TAFA5: variants seen among roughly 807,000 people sequenced by gnomAD.
TAFA5 encodes the protein TAFA chemokine like family member 5, also known as chemokine-like protein TAFA-5.
TAFA5 carries 6 observed loss-of-function variants against 15.3 expected under a neutral mutation model. The observed-to-expected ratio is 0.39, with a 90% confidence interval of 0.21 to 0.77. The LOEUF is 0.77. Among genes scored for constraint, TAFA5 ranks in the 30% least tolerant of loss-of-function variants. The pLI is 0.41. For missense variants in TAFA5, 161 were observed against 193.1 expected (o/e 0.83, Z 0.98); for synonymous variants, 103 against 80.7 (o/e 1.28, Z -1.48).
chr22:48,652,317 C>G (rs1254898713), intron 2 of TAFA5, among the ~76,000 whole-genome samples: 1 of 152,240 alleles, frequency 6.6e-6, no homozygotes, highest in African/African-American at 2.4e-5. Flanking sequence ...TCAGCCTGGC[C>G]AGGGGTTGGC....
At chr22:48,699,404 C>G (rs1928833059) in intron 2 of TAFA5, among the ~76,000 whole-genome samples, 1 of 151,916 alleles carries the variant, frequency 6.6e-6, no homozygotes, top group African/African-American at 2.4e-5. Flanking sequence ...ACAGCGAAAC[C>G]AATAACATTT....
At chr22:48,643,248 G>C (rs1260675997) in intron 1 of TAFA5, among the ~76,000 whole-genome samples, 1 of 152,054 alleles carries the variant, frequency 6.6e-6, no homozygotes, top group African/African-American at 2.4e-5. Flanking sequence ...TGCGTGGCTC[G>C]CTGTGGCGAT....
Position 48,525,220 on chromosome 22 carries a change from G to A in TAFA5, c.112+35516G>A, listed in dbSNP as rs527916083. Among the ~76,000 whole-genome samples, 65 of 152,300 alleles carry A rather than the reference G, an allele frequency of 4.3e-4. 1 individual carries two copies. In the South Asian group the frequency reaches 0.012, roughly 29 times the overall value. The stretch of plus-strand genomic sequence containing the variant: ...CGGTGACCCATTCACAGGCTCCAGA[G>A]ATTAGGAGATGAGCTTCTTTGGGGA... On this transcript the variant is annotated intron_variant, in intron 1 of 3. Coordinates refer to ENST00000402357, the MANE Select transcript of TAFA5 (RefSeq NM_001082967.3).
intron 1 of TAFA5, among the ~76,000 whole-genome samples, chr22:48,615,600 G>T (rs764111019): frequency 6.6e-6 from 1 of 152,182 alleles, no homozygotes; most frequent in East Asian, 1.9e-4. Flanking sequence ...ATTCTCCTGC[G>T]GTTTATGAGG....
At chr22:48,520,893 G>A (rs955688771) in intron 1 of TAFA5, among the ~76,000 whole-genome samples, 3 of 152,198 alleles carry the variant, frequency 2.0e-5, no homozygotes, top group South Asian at 2.1e-4. Context: ...AGGGCCAGGG[G>A]GGGTCGCAGG....
intron 2 of TAFA5, among the ~76,000 whole-genome samples, chr22:48,687,041 G>A: frequency 6.6e-6 from 1 of 151,222 alleles, no homozygotes; most frequent in East Asian, 2.0e-4. Context: ...GATTGATGGA[G>A]GATGGATAGA....
chr22:48,615,709 C>G (rs564184892), intron 1 of TAFA5, among the ~76,000 whole-genome samples: 2 of 152,202 alleles, frequency 1.3e-5, no homozygotes, highest in South Asian at 2.1e-4. Context: ...CCATCCCCCC[C>G]TCTCCAGGAG....
At chr22:48,590,258 A>G (rs993808370) in intron 1 of TAFA5, among the ~76,000 whole-genome samples, 1 of 152,230 alleles carries the variant, frequency 6.6e-6, no homozygotes, top group South Asian at 2.1e-4. Flanking sequence ...TGGCCAGCCC[A>G]GAAATTCTTA....
intron 3 of TAFA5, among the ~76,000 whole-genome samples, chr22:48,749,223 A>T (rs547839102): frequency 2.6e-5 from 4 of 152,206 alleles, no homozygotes; most frequent in Non-Finnish European, 4.4e-5. Context: ...CTCCAGCAGG[A>T]ACAGGCCCTG....
chr22:48,721,071 T>C (rs130172), intron 3 of TAFA5, among the ~76,000 whole-genome samples: 61,304 of 152,076 alleles, frequency 0.4, 13,270 homozygotes, highest in Non-Finnish European at 0.48. Flanking sequence ...AGCCCCACTG[T>C]GTGGTTGCCC....
chr22:48,738,995 C>T (rs1011735909), intron 3 of TAFA5, among the ~76,000 whole-genome samples: 2 of 152,200 alleles, frequency 1.3e-5, no homozygotes, highest in African/African-American at 4.8e-5. Flanking sequence ...TCCTGGTATT[C>T]GTGATTCAAA....
At position 48,606,901 on chromosome 22, in the gene TAFA5, G is replaced by A. The variant is rs116002795; in HGVS notation, c.113-39696G>A. Among the ~76,000 whole-genome samples, 465 of 152,338 alleles carry A rather than the reference G, an allele frequency of 3.1e-3. 1 individual carries two copies. Among genetic ancestry groups the A allele is most frequent in the African/African-American group, 0.011 (447 of 41,584 alleles). On this transcript the variant is annotated intron_variant, in intron 1 of 3. Coordinates refer to ENST00000402357, the MANE Select transcript of TAFA5 (RefSeq NM_001082967.3). Reference sequence around the variant, plus strand: ...GGCTGGTGCCAGGCCTGCTTCACGTGACAGTTCACGCTGGCTTGCTTCTGT... The same window carrying A: ...GGCTGGTGCCAGGCCTGCTTCACGTAACAGTTCACGCTGGCTTGCTTCTGT...
At chr22:48,712,042 A>T (rs1006485362) in intron 3 of TAFA5, among the ~76,000 whole-genome samples, 22 of 152,200 alleles carry the variant, frequency 1.4e-4, no homozygotes, top group Admixed American at 1.2e-3. Flanking sequence ...GCACATGCTG[A>T]TGCTTGTGTT....
intron 1 of TAFA5, among the ~76,000 whole-genome samples, chr22:48,565,814 GATTGTT>G (rs1160406461): frequency 6.6e-6 from 1 of 152,234 alleles, no homozygotes; most frequent in Non-Finnish European, 1.5e-5. Context: ...ATTCTCTCCT[GATTGTT>G]CCTTGCCTAG....
intron 1 of TAFA5, among the ~76,000 whole-genome samples, chr22:48,497,343 C>A (rs535011588): frequency 3.9e-5 from 6 of 152,308 alleles, no homozygotes; most frequent in African/African-American, 1.4e-4. Context: ...AGCCTCGCTG[C>A]TGGTTTCTGG....
At chr22:48,699,190 C>G (rs1436549821) in intron 2 of TAFA5, among the ~76,000 whole-genome samples, 2 of 152,086 alleles carry the variant, frequency 1.3e-5, no homozygotes, top group Non-Finnish European at 2.9e-5. Context: ...GCCTGGGCCT[C>G]CCAAAGTGCT....
At chr22:48,681,488 T>TCCA (rs1928183048) in intron 2 of TAFA5, among the ~76,000 whole-genome samples, 1 of 55,102 alleles carries the variant, frequency 1.8e-5, no homozygotes. Context: ...ACTAAAAAAA[T>TCCA]ACAAAAAAAA....
intron 1 of TAFA5, among the ~76,000 whole-genome samples, chr22:48,593,488 CAG>C (rs938946331): frequency 6.6e-6 from 1 of 151,186 alleles, no homozygotes; most frequent in Non-Finnish European, 1.5e-5. Flanking sequence ...GGGGGTGTCT[CAG>C]GGCACAGGAC....
At chr22:48,706,431 A>G (rs1013270615) in intron 2 of TAFA5, among the ~76,000 whole-genome samples, 3 of 152,236 alleles carry the variant, frequency 2.0e-5, no homozygotes, top group African/African-American at 7.2e-5. Context: ...AGCCACATGC[A>G]GTCCATCCAC....
Sources: gnomAD v4.1 joint callset for allele counts (sites outside exome capture counted in the v4.1 genomes callset) on GRCh38, gnomAD v4.1.1 for gene constraint, MANE v1.5 for transcripts, NCBI Gene and HGNC (gene_info 2026-07-23, HGNC 2026-07-21) for gene names.